RBFOX1: variants seen among roughly 807,000 people sequenced by gnomAD.
RBFOX1 encodes RNA binding fox-1 homolog 1.
Under a neutral mutation model 57.7 loss-of-function variants are expected in RBFOX1, and 8 were observed. That is an observed-to-expected ratio of 0.14 (90% CI 0.08 to 0.25). RBFOX1 has a LOEUF of 0.25. Ranked by LOEUF, RBFOX1 falls within the 10% of genes least tolerant of loss-of-function variation. The pLI, the probability that RBFOX1 is intolerant of heterozygous loss-of-function variation, is 1.00. For missense variants in RBFOX1, 611 were observed against 548.5 expected (o/e 1.11, Z -1.14); for synonymous variants, 326 against 222.4 (o/e 1.47, Z -4.15).
At chr16:7,123,318 T>G (rs527658919) in intron 4 of RBFOX1, among the ~76,000 whole-genome samples, 18 of 152,262 alleles carry the variant, frequency 1.2e-4, no homozygotes, top group Admixed American at 2.0e-4. Flanking sequence ...TAAAAATATT[T>G]GTGGATGGAA....
At chr16:6,777,835 C>G (rs1036826436) in intron 3 of RBFOX1, among the ~76,000 whole-genome samples, 2 of 152,080 alleles carry the variant, frequency 1.3e-5, no homozygotes, top group African/African-American at 4.8e-5. Context: ...TTCATTTTCA[C>G]TTTTTGCACT....
At chr16:5,817,965 C>G (rs531930959) in intron 3 of RBFOX1, among the ~76,000 whole-genome samples, 1 of 151,914 alleles carries the variant, frequency 6.6e-6, no homozygotes, top group East Asian at 1.9e-4. Flanking sequence ...GCTGGGATTA[C>G]GGGCGTGAGC....
intron 1 of RBFOX1, among the ~76,000 whole-genome samples, chr16:5,444,451 C>A (rs1160311253): frequency 2.6e-5 from 4 of 152,176 alleles, no homozygotes; most frequent in African/African-American, 9.7e-5. Flanking sequence ...TGAAGAAAAT[C>A]ATTCTTATTG....
chr16:5,917,712 A>G (rs2152222068), intron 4 of RBFOX1, among the ~76,000 whole-genome samples: 1 of 152,298 alleles, frequency 6.6e-6, no homozygotes, highest in African/African-American at 2.4e-5. Context: ...TGGATACCTG[A>G]CATAACCTCT....
At chr16:6,909,161 C>G (rs1439730146) in intron 3 of RBFOX1, among the ~76,000 whole-genome samples, 1 of 152,162 alleles carries the variant, frequency 6.6e-6, no homozygotes, top group African/African-American at 2.4e-5. Context: ...AACAGTGTTG[C>G]ATTTCTTCTG....
intron 4 of RBFOX1, among the ~76,000 whole-genome samples, chr16:6,003,136 G>A (rs1019617142): frequency 6.6e-6 from 1 of 152,102 alleles, no homozygotes; most frequent in African/African-American, 2.4e-5. Flanking sequence ...AAAATTAGCT[G>A]GGCGTGGTGG....
chr16:5,978,902 G>A (rs377542500), intron 4 of RBFOX1, among the ~76,000 whole-genome samples: 5 of 152,168 alleles, frequency 3.3e-5, no homozygotes, highest in Non-Finnish European at 5.9e-5. Flanking sequence ...TTGGTGGGCT[G>A]AGGGGGTGGC....
intron 2 of RBFOX1, among the ~76,000 whole-genome samples, chr16:6,369,418 C>A (rs180841800): frequency 6.6e-6 from 1 of 152,128 alleles, no homozygotes; most frequent in African/African-American, 2.4e-5. Context: ...TGTTTGAGAA[C>A]GTTTGTCTTA....
chr16:5,410,805 C>G (rs1258479134), intron 1 of RBFOX1, among the ~76,000 whole-genome samples: 1 of 152,180 alleles, frequency 6.6e-6, no homozygotes, highest in Non-Finnish European at 1.5e-5. Context: ...TTCCACTGTT[C>G]AAACCCCAAC....
chr16:7,115,745 C>G lies in RBFOX1; in HGVS notation c.27+63647C>G, dbSNP rs149719247. ...AGGAGGTGACATTCCATTTCTCATG[C>G]TGCATTCTTTTCATCCCTATAATTA... On this transcript the variant is annotated intron_variant, in intron 4 of 15. Coordinates refer to ENST00000550418, the MANE Select transcript of RBFOX1 (RefSeq NM_018723.4). Among the ~76,000 whole-genome samples, 319 of 152,326 alleles carry G rather than the reference C, an allele frequency of 2.1e-3. 1 individual carries two copies. Among genetic ancestry groups the G allele is most frequent in the African/African-American group, 7.3e-3 (302 of 41,588 alleles).
chr16:5,864,375 G>A (rs2057297081), intron 3 of RBFOX1, among the ~76,000 whole-genome samples: 1 of 152,122 alleles, frequency 6.6e-6, no homozygotes, highest in Admixed American at 6.6e-5. Context: ...AACAATTCAG[G>A]AAAAGAGAAA....
At chr16:7,237,557 T>C (rs909466154) in intron 4 of RBFOX1, among the ~76,000 whole-genome samples, 4 of 152,236 alleles carry the variant, frequency 2.6e-5, no homozygotes, top group Admixed American at 6.5e-5. Context: ...AGACTCTAGA[T>C]TTGGACCAAC....
chr16:6,767,724 G>T (rs2077539068), intron 3 of RBFOX1, among the ~76,000 whole-genome samples: 1 of 151,744 alleles, frequency 6.6e-6, no homozygotes, highest in Non-Finnish European at 1.5e-5. Flanking sequence ...GAGCAGCCTG[G>T]CCAATATGGT....
chr16:6,203,039 G>C (rs2097225986), intron 1 of RBFOX1, among the ~76,000 whole-genome samples: 1 of 151,962 alleles, frequency 6.6e-6, no homozygotes, highest in Admixed American at 6.6e-5. Flanking sequence ...GCTTCCCAGA[G>C]TGCTGAGATT....
intron 4 of RBFOX1, among the ~76,000 whole-genome samples, chr16:5,906,210 A>T (rs1249789242): frequency 6.6e-6 from 1 of 152,118 alleles, no homozygotes; most frequent in African/African-American, 2.4e-5. Context: ...CTTATTTGGA[A>T]ATAGGGTTCT....
chr16:5,926,884 T>C (rs112551164), intron 4 of RBFOX1, among the ~76,000 whole-genome samples: 256 of 152,344 alleles, frequency 1.7e-3, no homozygotes, highest in African/African-American at 5.7e-3. Flanking sequence ...AGCTCCATTT[T>C]CTAGAGGAGG....
intron 4 of RBFOX1, among the ~76,000 whole-genome samples, chr16:7,481,537 G>A (rs932454051): frequency 1.3e-5 from 2 of 152,172 alleles, no homozygotes; most frequent in African/African-American, 4.8e-5. Flanking sequence ...CTGCTAGGCT[G>A]ATTTGAAAGT....
intron 14 of RBFOX1, among the ~76,000 whole-genome samples, chr16:7,697,618 G>A (rs2079202308): frequency 6.6e-6 from 1 of 152,042 alleles, no homozygotes; most frequent in African/African-American, 2.4e-5. Flanking sequence ...ATTTTGGAAA[G>A]TGAAAAAAAC....
intron 4 of RBFOX1, among the ~76,000 whole-genome samples, chr16:7,222,892 A>G (rs901711038): frequency 6.6e-6 from 1 of 152,264 alleles, no homozygotes; most frequent in Non-Finnish European, 1.5e-5. Flanking sequence ...TTGTCCAAGA[A>G]GTTCACTCAC....
Sources: allele counts gnomAD v4.1 joint callset (sites outside exome capture counted in the v4.1 genomes callset), GRCh38; gene constraint gnomAD v4.1.1; transcripts MANE v1.5; gene names NCBI Gene and HGNC (gene_info 2026-07-23, HGNC 2026-07-21).